Variants in ZDHHC21 observed in about 807,000 individuals in gnomAD.
ZDHHC21 encodes palmitoyltransferase ZDHHC21.
In ZDHHC21, 15 loss-of-function variants were observed where a neutral mutation model predicts 34.6. The observed-to-expected ratio is 0.43, with a 90% CI of 0.29 to 0.67. The LOEUF is 0.67. Ranked by LOEUF, ZDHHC21 falls within the 30% of genes least tolerant of loss-of-function variation. The pLI, the probability that ZDHHC21 is intolerant of heterozygous loss-of-function variation, is 0.14. For missense variants in ZDHHC21, 344 were observed against 327.7 expected (o/e 1.05, Z -0.38); for synonymous variants, 142 against 101.8 (o/e 1.40, Z -2.38).
At chr9:14,610,365 T>C (rs1448793565), downstream of ZDHHC21, among the ~76,000 whole-genome samples, 1 of 151,958 alleles carries the variant, frequency 6.6e-6, no homozygotes, top group African/African-American at 2.4e-5. Context: ...TCCTTAAAAG[T>C]TTATCAGAAG....
chr9:14,597,990 CCA>C, the ZDHHC21 span, among the ~76,000 whole-genome samples: 7 of 152,178 alleles, frequency 4.6e-5, no homozygotes, highest in Non-Finnish European at 8.8e-5. Flanking sequence ...CAACTGGTGC[CCA>C]CACATGCTGC....
chr9:14,629,498 C>T (rs761833991), intron 8 of ZDHHC21, among the ~76,000 whole-genome samples: 7 of 152,144 alleles, frequency 4.6e-5, no homozygotes, highest in South Asian at 2.1e-4. Flanking sequence ...GCAATAAAGC[C>T]GGTAGCAAAA....
rs1486995558 is a variant in ZDHHC21 at position 14,613,277 on chromosome 9, A to T, written c.*5689T>A. The T allele has an allele frequency of 6.6e-6, 1 of 151,880 alleles. No homozygotes were observed. The highest frequency in any genetic ancestry group is 1.5e-5 in the Non-Finnish European group (1 of 67,858). The allele number at this position is 151,880 out of a possible 1,614,324, so 9.4% of individuals were successfully genotyped here. ...AAATACACAACGATGTGAGAAGAAA[A>T]CTCAGTCAACCAAAAAGAAAATTAA... On this transcript the variant is annotated 3_prime_UTR_variant, in exon 10 of 10. Transcript: ENST00000380916.
intron 5 of ZDHHC21, among the ~76,000 whole-genome samples, chr9:14,665,514 C>G (rs1162879638): frequency 6.6e-6 from 1 of 151,910 alleles, no homozygotes; most frequent in Non-Finnish European, 1.5e-5. Flanking sequence ...AAAGATACTC[C>G]CCAAGAAGAA....
intron 6 of ZDHHC21, among the ~76,000 whole-genome samples, chr9:14,659,923 T>C (rs1165048353): frequency 2.0e-5 from 3 of 152,228 alleles, no homozygotes; most frequent in African/African-American, 4.8e-5. Flanking sequence ...GATTGAAAGA[T>C]GACTTATCAT....
intron 2 of ZDHHC21, among the ~76,000 whole-genome samples, chr9:14,687,337 C>T (rs1838476102): frequency 5.3e-5 from 8 of 150,678 alleles, no homozygotes; most frequent in Admixed American, 5.2e-4. Flanking sequence ...AGATAAACAC[C>T]ACTACCTCTG....
chr9:14,677,233 G>C (rs887259507), intron 3 of ZDHHC21: 5 of 152,074 alleles, frequency 3.3e-5, no homozygotes, highest in African/African-American at 1.2e-4. Context: ...CTAAGGAAAA[G>C]TGAGCACAGG....
At chr9:14,656,101 G>T (rs1445551312) in intron 7 of ZDHHC21, among the ~76,000 whole-genome samples, 1 of 151,842 alleles carries the variant, frequency 6.6e-6, no homozygotes, top group Admixed American at 6.6e-5. Context: ...ACGAAATTTG[G>T]ATGTGTCTAT....
the ZDHHC21 span, among the ~76,000 whole-genome samples, chr9:14,599,907 C>T: frequency 1.3e-5 from 2 of 152,186 alleles, no homozygotes; most frequent in Admixed American, 6.5e-5. Context: ...ACAGAAACCA[C>T]ATGATTACCT....
intron 8 of ZDHHC21, chr9:14,622,404 G>GA: frequency 3.2e-6 from 1 of 316,566 alleles, no homozygotes; most frequent in Non-Finnish European, 4.5e-6. Flanking sequence ...ATTATACCTG[G>GA]AATGGGGGGG....
At chr9:14,691,098 T>A (rs930013188) in intron 1 of ZDHHC21, among the ~76,000 whole-genome samples, 1 of 152,238 alleles carries the variant, frequency 6.6e-6, no homozygotes, top group Non-Finnish European at 1.5e-5. Context: ...TGTCACCTCC[T>A]ATGCTAAAAA....
chr9:14,659,712 T>TGGA (rs1832997215), intron 6 of ZDHHC21, among the ~76,000 whole-genome samples: 1 of 152,212 alleles, frequency 6.6e-6, no homozygotes, highest in Non-Finnish European at 1.5e-5. Context: ...AAATCGCTCT[T>TGGA]TTTAACTTTG....
chr9:14,618,937 G>T lies in ZDHHC21; in HGVS notation c.*29C>A. The T allele has an allele frequency of 6.4e-7, 1 of 1,557,842 alleles. No homozygotes were observed. The highest frequency in any genetic ancestry group is 1.2e-5 in the South Asian group (1 of 82,270). On this transcript the variant is annotated 3_prime_UTR_variant, in exon 10 of 10. Coordinates refer to ENST00000380916, the MANE Select transcript of ZDHHC21 (RefSeq NM_178566.6). The stretch of plus-strand genomic sequence containing the variant: ...ACCTGTAACGCATTGCCAGCATGGA[G>T]GACCCATCTGTGCCCACCATCCATC...
intron 2 of ZDHHC21, among the ~76,000 whole-genome samples, chr9:14,689,268 A>G (rs1421568949): frequency 6.6e-6 from 1 of 152,208 alleles, no homozygotes; most frequent in Non-Finnish European, 1.5e-5. Context: ...AAGCCCCTAA[A>G]CTAAATCACA....
chr9:14,649,729 C>T (rs915007749), intron 7 of ZDHHC21, among the ~76,000 whole-genome samples: 2 of 151,976 alleles, frequency 1.3e-5, no homozygotes, highest in South Asian at 2.1e-4. Flanking sequence ...TCTTACAGAG[C>T]GTATTTCACT....
intron 7 of ZDHHC21, among the ~76,000 whole-genome samples, chr9:14,658,368 T>C (rs1832673263): frequency 6.6e-6 from 1 of 151,590 alleles, no homozygotes; most frequent in African/African-American, 2.4e-5. Flanking sequence ...GTTTCCAATC[T>C]TTTGTTGTTT....
At chr9:14,679,427 T>C (rs926313353) in intron 3 of ZDHHC21, among the ~76,000 whole-genome samples, 2 of 152,188 alleles carry the variant, frequency 1.3e-5, no homozygotes, top group African/African-American at 4.8e-5. Flanking sequence ...GAATAGTTTA[T>C]ATAACATTTT....
chr9:14,634,201 TG>T (rs925560726), intron 8 of ZDHHC21, among the ~76,000 whole-genome samples: 1 of 152,172 alleles, frequency 6.6e-6, no homozygotes, highest in African/African-American at 2.4e-5. Flanking sequence ...CCTGCAGGTC[TG>T]AGGGCTGGCC....
At chr9:14,642,649 G>A (rs187362394) in intron 7 of ZDHHC21, among the ~76,000 whole-genome samples, 81 of 152,248 alleles carry the variant, frequency 5.3e-4, no homozygotes, top group Non-Finnish European at 9.3e-4. Flanking sequence ...GGATGTTCCC[G>A]GAGGAAAGAC....
Sources: gnomAD v4.1 joint callset for allele counts (sites outside exome capture counted in the v4.1 genomes callset) on GRCh38, gnomAD v4.1.1 for gene constraint, MANE v1.5 for transcripts, NCBI Gene and HGNC (gene_info 2026-07-23, HGNC 2026-07-21) for gene names.